Variants in HS2ST1 observed in about 807,000 individuals in gnomAD.
HS2ST1 encodes the protein 2-O-sulfotransferase.
HS2ST1 carries 18 observed loss-of-function variants against 42.9 expected under a neutral mutation model. That is an observed-to-expected ratio of 0.42 (90% CI 0.29 to 0.62). The LOEUF (loss-of-function observed/expected upper bound fraction) is 0.62. HS2ST1 is among the 20% of genes least tolerant of loss of function. The pLI is 0.21. For missense variants in HS2ST1, 334 were observed against 433.8 expected (o/e 0.77, Z 2.04); for synonymous variants, 146 against 152.9 (o/e 0.95, Z 0.33).
chr1:86,976,339 C>G (rs1170096182), intron 1 of HS2ST1, among the ~76,000 whole-genome samples: 3 of 152,040 alleles, frequency 2.0e-5, no homozygotes, highest in Non-Finnish European at 4.4e-5. Context: ...TATCTGCCAT[C>G]GAAGTGATCT....
At chr1:87,017,347 G>C (rs895107137) in intron 1 of HS2ST1, among the ~76,000 whole-genome samples, 1 of 152,164 alleles carries the variant, frequency 6.6e-6, no homozygotes, top group African/African-American at 2.4e-5. Context: ...GTGTTGACCA[G>C]GCTGGTCTTG....
chr1:87,010,939 C>T (rs1649582731), intron 1 of HS2ST1, among the ~76,000 whole-genome samples: 1 of 151,950 alleles, frequency 6.6e-6, no homozygotes, highest in African/African-American at 2.4e-5. Flanking sequence ...GTGTGTGCTG[C>T]CATGCCCAGC....
chr1:87,011,866 G>T (rs377764429), intron 1 of HS2ST1, among the ~76,000 whole-genome samples: 1 of 152,190 alleles, frequency 6.6e-6, no homozygotes, highest in South Asian at 2.1e-4. Context: ...CTTTATGCAT[G>T]ATTTTGGAGA....
intron 1 of HS2ST1, among the ~76,000 whole-genome samples, chr1:87,031,305 G>A (rs1234665177): frequency 1.3e-5 from 2 of 152,140 alleles, no homozygotes; most frequent in Admixed American, 1.3e-4. Context: ...TGCTGCTGCA[G>A]CCCTATTCCA....
chr1:87,064,610 A>G, intron 1 of HS2ST1: 3 of 485,676 alleles, frequency 6.2e-6, no homozygotes, highest in Non-Finnish European at 1.2e-5. Context: ...GCATATAGAA[A>G]TTTATTTTGT....
At chr1:86,955,961 C>A (rs1024765469) in intron 1 of HS2ST1, among the ~76,000 whole-genome samples, 3 of 152,062 alleles carry the variant, frequency 2.0e-5, no homozygotes, top group African/African-American at 7.2e-5. Context: ...TGTACTCCAG[C>A]CTGGGTTGCA....
At chr1:87,049,495 T>C (rs1650780074) in intron 1 of HS2ST1, among the ~76,000 whole-genome samples, 2 of 152,060 alleles carry the variant, frequency 1.3e-5, no homozygotes. Flanking sequence ...AAAATGCTTT[T>C]CTACTTTCCT....
intron 1 of HS2ST1, among the ~76,000 whole-genome samples, chr1:86,984,274 C>T (rs982536996): frequency 6.6e-5 from 10 of 152,060 alleles, no homozygotes; most frequent in African/African-American, 2.4e-4. Flanking sequence ...TTCCAATAAG[C>T]CCTAGAAATG....
chr1:87,041,924 A>C (rs1430827691), intron 1 of HS2ST1, among the ~76,000 whole-genome samples: 3 of 152,162 alleles, frequency 2.0e-5, no homozygotes, highest in Non-Finnish European at 4.4e-5. Flanking sequence ...CTATCTCTTA[A>C]AGATTCTGAC....
intron 1 of HS2ST1, chr1:86,956,486 ATG>A (rs937782437): frequency 9.2e-5 from 14 of 152,360 alleles, no homozygotes; most frequent in African/African-American, 3.1e-4. Context: ...CTTGGTCACT[ATG>A]GCTGTAGAAA....
In HS2ST1 at chr1:86,947,635, A is replaced by C. The variant is rs1314319566; in HGVS notation, c.124+32475A>C. On this transcript the variant is annotated intron_variant, in intron 1 of 6. Transcript: ENST00000370550. ...CATTTATCCTCCATGTTTTAATTTC[A>C]GCAAATACTTAACAGTGTGCCTATC... Among the ~76,000 whole-genome samples the C allele has an allele frequency of 3.3e-5, 5 of 149,896 alleles. No individual in the cohort carries two copies. The East Asian group carries it at 5.8e-4, about 18-fold the overall frequency.
intron 1 of HS2ST1, among the ~76,000 whole-genome samples, chr1:86,957,379 T>A (rs1647703636): frequency 6.6e-6 from 1 of 152,204 alleles, no homozygotes; most frequent in African/African-American, 2.4e-5. Flanking sequence ...GAAACCAGAT[T>A]TAAACTCCAG....
At chr1:87,073,198 A>G (rs557925800) in intron 2 of HS2ST1, 26 bp downstream of exon 2, 7 of 1,420,474 alleles carry the variant, frequency 4.9e-6, no homozygotes, top group South Asian at 2.3e-5. Flanking sequence ...GGAATGCCCA[A>G]ATATTTTCTA....
chr1:87,100,347 C>G (rs576153541), intron 5 of HS2ST1, among the ~76,000 whole-genome samples: 2 of 152,306 alleles, frequency 1.3e-5, no homozygotes, highest in African/African-American at 2.4e-5. Context: ...TACCTGGACT[C>G]CTTTGAGCTG....
chr1:86,972,830 C>T (rs889893127), intron 1 of HS2ST1, among the ~76,000 whole-genome samples: 3 of 152,178 alleles, frequency 2.0e-5, no homozygotes, highest in Non-Finnish European at 2.9e-5. Flanking sequence ...TGCCTTTCTT[C>T]TGATCAGGAT....
intron 1 of HS2ST1, among the ~76,000 whole-genome samples, chr1:86,982,570 A>G (rs1648627774): frequency 6.6e-6 from 1 of 151,946 alleles, no homozygotes; most frequent in Non-Finnish European, 1.5e-5. Context: ...GCTGGAGTGC[A>G]GTGGCGCCAT....
Position 86,914,885 on chromosome 1 carries a change from G to T in HS2ST1, c.-152G>T, listed in dbSNP as rs937641525. The T allele has an allele frequency of 3.5e-6, 3 of 860,864 alleles. No homozygotes were observed. In the African/African-American group the frequency reaches 5.1e-5, roughly 15 times the overall value. 53.3% of individuals were successfully genotyped at this position (860,864 alleles called of 1,614,324 possible). ...GCGCCTGGGGGAGGGGGACTGGAGA[G>T]GCGAGAAGGGGGGTCGCTGCGGTGG... On this transcript the variant is annotated 5_prime_UTR_variant, in exon 1 of 7. It adds an upstream start codon to the 5' untranslated region. Coordinates refer to ENST00000370550, the MANE Select transcript of HS2ST1 (RefSeq NM_012262.4).
rs1648880506 is a variant in HS2ST1, at chr1:86,989,427, A to AT, written c.124+74274dup. Among the ~76,000 whole-genome samples the AT allele has an allele frequency of 2.6e-5, 4 of 152,282 alleles. No homozygotes were observed. In the South Asian group the frequency reaches 6.2e-4, roughly 24 times the overall value. The stretch of plus-strand genomic sequence containing the variant: ...TTTAGCCAAAAGATTTGCAGATTCA[A>AT]TTTTTTTAAATCAACTAGTTCCTTA... On this transcript the variant is annotated intron_variant, in intron 1 of 6. Transcript: ENST00000370550.
chr1:86,987,075 T>TTG (rs1553135228), intron 1 of HS2ST1, among the ~76,000 whole-genome samples: 1 of 148,794 alleles, frequency 6.7e-6, no homozygotes, highest in Non-Finnish European at 1.5e-5. Flanking sequence ...CAGGTTTTTT[T>TTG]TTTTTTTTTT....
Sources: allele counts gnomAD v4.1 joint callset (sites outside exome capture counted in the v4.1 genomes callset), GRCh38; gene constraint gnomAD v4.1.1; transcripts MANE v1.5; gene names NCBI Gene and HGNC (gene_info 2026-07-23, HGNC 2026-07-21).